Variants in KLF12 observed in about 807,000 individuals in gnomAD.
KLF12 encodes KLF transcription factor 12.
KLF12 carries 9 observed loss-of-function variants against 37.8 expected under a neutral mutation model. That is an observed-to-expected ratio of 0.24 (90% CI 0.14 to 0.42). The LOEUF is 0.42. KLF12 is among the 10% of genes least tolerant of loss of function. The probability of loss-of-function intolerance (pLI) is 1.00; values close to 1 mark genes in which losing one functional copy is unlikely to be tolerated. For synonymous variants in KLF12, 208 were observed against 202.1 expected, an observed-to-expected ratio of 1.03 and a Z score of -0.25; for missense variants, 411 against 516.0, an observed-to-expected ratio of 0.80 and a Z score of 1.97.
At chr13:73,712,662 C>T (rs1875491346) in intron 7 of KLF12, among the ~76,000 whole-genome samples, 1 of 152,098 alleles carries the variant, frequency 6.6e-6, no homozygotes, top group Non-Finnish European at 1.5e-5. Flanking sequence ...AATAAGAGTC[C>T]ACTGATGTGG....
chr13:73,901,375 C>T (rs1888032981), intron 3 of KLF12, among the ~76,000 whole-genome samples: 1 of 152,170 alleles, frequency 6.6e-6, no homozygotes, highest in African/African-American at 2.4e-5. Flanking sequence ...CTTTAGAACA[C>T]AGATGTCTGG....
intron 3 of KLF12, among the ~76,000 whole-genome samples, chr13:73,869,272 T>C (rs1042838158): frequency 5.9e-5 from 9 of 152,168 alleles, no homozygotes; most frequent in African/African-American, 2.2e-4. Flanking sequence ...TTTTCTCTTT[T>C]GTTCATCAAA....
chr13:73,774,245 G>A (rs1040760500), intron 5 of KLF12, among the ~76,000 whole-genome samples: 12 of 150,168 alleles, frequency 8.0e-5, no homozygotes, highest in Non-Finnish European at 1.8e-4. Flanking sequence ...GTCAATATAT[G>A]TGTGTGTATA....
Position 73,689,777 on chromosome 13 carries a change from A to T in KLF12, c.*5713T>A, listed in dbSNP as rs1233464539. 6.6e-6 allele frequency: 1 copy of T among 152,194 alleles called. No individual in the cohort carries two copies. Among genetic ancestry groups the T allele is most frequent in the South Asian group, 2.1e-4 (1 of 4,832 alleles). 9.4% of individuals were successfully genotyped at this position (152,194 alleles called of 1,614,324 possible). A position where few individuals can be genotyped will look rare whatever the true frequency, so the allele number is the denominator to read the frequency against. On this transcript the variant is annotated 3_prime_UTR_variant, in exon 8 of 8. Transcript: ENST00000377669. Reference sequence around the variant, plus strand: ...ATGTAAAGATGAATTTGTGCGTTTGATATGAGTGGATAAAATGAACAAGCA... The same window carrying T: ...ATGTAAAGATGAATTTGTGCGTTTGTTATGAGTGGATAAAATGAACAAGCA...
intron 3 of KLF12, among the ~76,000 whole-genome samples, chr13:73,868,393 T>C (rs1025063033): frequency 6.6e-6 from 1 of 150,932 alleles, no homozygotes; most frequent in African/African-American, 2.4e-5. Flanking sequence ...TTTTTGTTCG[T>C]TTGTTTTTTG....
At chr13:73,899,499 CT>C (rs938329735) in intron 3 of KLF12, among the ~76,000 whole-genome samples, 1 of 152,176 alleles carries the variant, frequency 6.6e-6, no homozygotes, top group Non-Finnish European at 1.5e-5. Flanking sequence ...GGATATGAGG[CT>C]TTGTGATGGT....
the KLF12 span, among the ~76,000 whole-genome samples, chr13:74,255,084 G>A: frequency 6.6e-6 from 1 of 152,132 alleles, no homozygotes; most frequent in African/African-American, 2.4e-5. Flanking sequence ...CTAATGTCTA[G>A]GATTTAGTTT....
intron 3 of KLF12, among the ~76,000 whole-genome samples, chr13:73,915,795 G>A (rs767209941): frequency 4.0e-5 from 6 of 149,872 alleles, no homozygotes; most frequent in Non-Finnish European, 8.8e-5. Flanking sequence ...GCCTCCTAAA[G>A]TGCTGGGATT....
At chr13:73,849,588 G>C (rs963247532) in intron 3 of KLF12, among the ~76,000 whole-genome samples, 1 of 151,972 alleles carries the variant, frequency 6.6e-6, no homozygotes, top group Admixed American at 6.6e-5. Flanking sequence ...GAGGAGATAC[G>C]GGGTATGCCA....
intron 1 of KLF12, among the ~76,000 whole-genome samples, chr13:74,126,206 G>T (rs1694296339): frequency 6.6e-6 from 1 of 152,048 alleles, no homozygotes; most frequent in African/African-American, 2.4e-5. Flanking sequence ...AGGCTATGAG[G>T]ATTACTATAC....
chr13:74,233,171 C>T, the KLF12 span, among the ~76,000 whole-genome samples: 1,778 of 152,310 alleles, frequency 0.012, 25 homozygotes, highest in South Asian at 0.031. Context: ...GCGTGAGCCA[C>T]CGCGCCTGGC....
chr13:74,267,632 T>C, the KLF12 span, among the ~76,000 whole-genome samples: 1 of 152,074 alleles, frequency 6.6e-6, no homozygotes, highest in Non-Finnish European at 1.5e-5. Context: ...TACAAAATTA[T>C]GGTTATAGAG....
At chr13:73,879,443 G>A (rs1465801681) in intron 3 of KLF12, among the ~76,000 whole-genome samples, 2 of 152,104 alleles carry the variant, frequency 1.3e-5, no homozygotes, top group Non-Finnish European at 2.9e-5. Context: ...AAGGTAAGTA[G>A]GTAATTATAC....
At chr13:74,097,469 A>G (rs1876044062) in intron 1 of KLF12, among the ~76,000 whole-genome samples, 1 of 152,164 alleles carries the variant, frequency 6.6e-6, no homozygotes, top group South Asian at 2.1e-4. Context: ...ACTTGACTAC[A>G]GAGTTTATTA....
At chr13:74,249,200 T>TA in the KLF12 span, among the ~76,000 whole-genome samples, 4 of 151,580 alleles carry the variant, frequency 2.6e-5, no homozygotes, top group South Asian at 2.1e-4. Flanking sequence ...ATCCACTTTA[T>TA]AAAAAAAAGC....
chr13:73,964,144 A>G (rs1191520940), intron 2 of KLF12, among the ~76,000 whole-genome samples: 1 of 152,214 alleles, frequency 6.6e-6, no homozygotes, highest in Non-Finnish European at 1.5e-5. Context: ...TTCCATCCAA[A>G]TAGTGGGCAA....
intron 2 of KLF12, among the ~76,000 whole-genome samples, chr13:73,969,256 T>C (rs776011065): frequency 2.6e-5 from 4 of 152,194 alleles, no homozygotes; most frequent in Non-Finnish European, 4.4e-5. Context: ...AAGTTTATAC[T>C]GCCTGAAGTG....
chr13:73,801,671 C>T (rs970079504), intron 5 of KLF12: 1 of 151,976 alleles, frequency 6.6e-6, no homozygotes, highest in Non-Finnish European at 1.5e-5. Flanking sequence ...GTATGTGAAA[C>T]AAATGAAAGC....
intron 5 of KLF12, among the ~76,000 whole-genome samples, chr13:73,785,301 A>G (rs1881271989): frequency 1.3e-5 from 2 of 151,918 alleles, no homozygotes; most frequent in Non-Finnish European, 2.9e-5. Flanking sequence ...TTTTGTAGAG[A>G]CAGGGTCTCC....
Sources: allele counts gnomAD v4.1 joint callset (sites outside exome capture counted in the v4.1 genomes callset), GRCh38; gene constraint gnomAD v4.1.1; transcripts MANE v1.5; gene names NCBI Gene and HGNC (gene_info 2026-07-23, HGNC 2026-07-21).